Variants in DLC1 observed in about 807,000 individuals in gnomAD.
The protein encoded by DLC1 is DLC1 Rho GTPase activating protein, also known as rho GTPase-activating protein 7.
DLC1 carries 54 observed loss-of-function variants against 140.3 expected under a neutral mutation model. The observed-to-expected ratio is 0.38, with a 90% CI of 0.31 to 0.48. DLC1 has a LOEUF of 0.48. Among genes scored for constraint, DLC1 ranks in the 20% least tolerant of loss-of-function variants. The probability of loss-of-function intolerance (pLI) is 0.96; values close to 1 mark genes in which losing one functional copy is unlikely to be tolerated. For missense variants in DLC1, 2,536 were observed against 1,907.0 expected, an observed-to-expected ratio of 1.33 and a Z score of -6.14; for synonymous variants, 986 against 728.1, an observed-to-expected ratio of 1.35 and a Z score of -5.70.
chr8:13,158,975 C>G (rs1015509747), intron 5 of DLC1, among the ~76,000 whole-genome samples: 19 of 152,194 alleles, frequency 1.2e-4, no homozygotes, highest in Admixed American at 7.2e-4. Context: ...ATGGACCACT[C>G]TGGGAACCAG....
chr8:13,459,956 C>T (rs77234078), intron 2 of DLC1, among the ~76,000 whole-genome samples: 9,720 of 152,088 alleles, frequency 0.064, 705 homozygotes, highest in African/African-American at 0.18. Flanking sequence ...CGGGAAGGAC[C>T]TCCTGGTTCT....
chr8:13,273,446 TA>T (rs1831029643), intron 5 of DLC1, among the ~76,000 whole-genome samples: 1 of 152,116 alleles, frequency 6.6e-6, no homozygotes, highest in Non-Finnish European at 1.5e-5. Context: ...CTGTGGGATG[TA>T]ACTGGGCAGA....
At chr8:13,189,765 C>G (rs1307762777) in intron 5 of DLC1, among the ~76,000 whole-genome samples, 1 of 152,020 alleles carries the variant, frequency 6.6e-6, no homozygotes, top group Non-Finnish European at 1.5e-5. Flanking sequence ...GCCTGTAGTC[C>G]CAGCTACTCG....
At chr8:13,370,815 C>A (rs1835692185) in intron 4 of DLC1, among the ~76,000 whole-genome samples, 1 of 152,174 alleles carries the variant, frequency 6.6e-6, no homozygotes. Context: ...GGGAGACAGC[C>A]TCTCACGCAG....
At chr8:13,530,814 C>A (rs140039674) in intron 1 of DLC1, among the ~76,000 whole-genome samples, 2 of 152,168 alleles carry the variant, frequency 1.3e-5, no homozygotes, top group Non-Finnish European at 2.9e-5. Flanking sequence ...TACAGCATTT[C>A]ATTTCGGAGT....
At chr8:13,202,728 C>T (rs1827459128) in intron 5 of DLC1, among the ~76,000 whole-genome samples, 1 of 151,882 alleles carries the variant, frequency 6.6e-6, no homozygotes, top group South Asian at 2.1e-4. Context: ...GGCTGGAGTG[C>T]AGGGGTGCTA....
At chr8:13,189,807 G>C (rs867941363) in intron 5 of DLC1, among the ~76,000 whole-genome samples, 3 of 151,952 alleles carry the variant, frequency 2.0e-5, no homozygotes, top group Non-Finnish European at 2.9e-5. Flanking sequence ...GCTTGAAACC[G>C]GGAGGCAGAG....
At chr8:13,332,850 T>A (rs1563260145) in intron 4 of DLC1, among the ~76,000 whole-genome samples, 1 of 152,216 alleles carries the variant, frequency 6.6e-6, no homozygotes, top group Non-Finnish European at 1.5e-5. Flanking sequence ...GAACAATATA[T>A]TAAAATGTGA....
intron 4 of DLC1, among the ~76,000 whole-genome samples, chr8:13,370,743 G>C (rs76852741): frequency 1.3e-5 from 2 of 152,094 alleles, no homozygotes; most frequent in Non-Finnish European, 2.9e-5. Flanking sequence ...TTTCTTTCTG[G>C]GGTGGCAAGA....
At chr8:13,492,343 A>T (rs1801290642) in intron 2 of DLC1, among the ~76,000 whole-genome samples, 1 of 152,106 alleles carries the variant, frequency 6.6e-6, no homozygotes, top group South Asian at 2.1e-4. Context: ...TGCTTGTGAT[A>T]ACCACATCAT....
chr8:13,466,773 A>C (rs1172685856), intron 2 of DLC1, among the ~76,000 whole-genome samples: 4 of 152,226 alleles, frequency 2.6e-5, no homozygotes, highest in Non-Finnish European at 5.9e-5. Context: ...TATGTACATT[A>C]GATTTTTTCA....
intron 2 of DLC1, among the ~76,000 whole-genome samples, chr8:13,431,485 A>AG (rs2117394110): frequency 1.8e-5 from 2 of 113,466 alleles, no homozygotes; most frequent in African/African-American, 6.9e-5. Context: ...TCCGTCTCAA[A>AG]AAAAAAAAAA....
chr8:13,543,495 G>A (rs550947104), intron 1 of DLC1, among the ~76,000 whole-genome samples: 13 of 152,000 alleles, frequency 8.6e-5, no homozygotes, highest in South Asian at 4.2e-4. Flanking sequence ...TTGGAAACCC[G>A]CACATGTATG....
At chr8:13,486,278 C>T (rs1367335885) in intron 2 of DLC1, among the ~76,000 whole-genome samples, 1 of 152,090 alleles carries the variant, frequency 6.6e-6, no homozygotes, top group Admixed American at 6.6e-5. Context: ...TTCCATTTTG[C>T]TTTAAAAAAT....
chr8:13,296,792 A>G (rs1236378316), intron 5 of DLC1, among the ~76,000 whole-genome samples: 1 of 151,896 alleles, frequency 6.6e-6, no homozygotes, highest in East Asian at 1.9e-4. Context: ...ATGAAATGCC[A>G]TAATAAATAT....
intron 5 of DLC1, among the ~76,000 whole-genome samples, chr8:13,174,876 G>A (rs764213513): frequency 2.6e-5 from 4 of 152,044 alleles, no homozygotes; most frequent in Admixed American, 6.6e-5. Flanking sequence ...GGTCCCACCT[G>A]TCAATTTTTG....
At chr8:13,334,354 C>G (rs1012280063) in intron 4 of DLC1, among the ~76,000 whole-genome samples, 11 of 152,098 alleles carry the variant, frequency 7.2e-5, no homozygotes, top group African/African-American at 2.7e-4. Flanking sequence ...GGTCAGGGAG[C>G]AGGGACAGGC....
chr8:13,493,855 G>A (rs2117176418), intron 2 of DLC1, among the ~76,000 whole-genome samples: 1 of 152,198 alleles, frequency 6.6e-6, no homozygotes, highest in Non-Finnish European at 1.5e-5. Context: ...TCAGCATTCA[G>A]GGGATAGAAA....
At chr8:13,173,948 A>AGTT (rs1825628590) in intron 5 of DLC1, among the ~76,000 whole-genome samples, 2 of 152,080 alleles carry the variant, frequency 1.3e-5, no homozygotes, top group Non-Finnish European at 2.9e-5. Context: ...TGGGGTATGA[A>AGTT]CGATCTCATC....
Sources: gnomAD v4.1 joint callset for allele counts (sites outside exome capture counted in the v4.1 genomes callset) on GRCh38, gnomAD v4.1.1 for gene constraint, MANE v1.5 for transcripts, NCBI Gene and HGNC (gene_info 2026-07-23, HGNC 2026-07-21) for gene names.